CDH13: variants seen among roughly 807,000 people sequenced by gnomAD.
CDH13 encodes cadherin-13.
In CDH13, 24 loss-of-function variants were observed where a neutral mutation model predicts 63.8. That is an observed-to-expected ratio of 0.38 (90% CI 0.27 to 0.53). The LOEUF is 0.53. Ranked by LOEUF, CDH13 falls within the 20% of genes least tolerant of loss-of-function variation. The pLI is 0.85. For synonymous variants in CDH13, 503 were observed against 355.3 expected (o/e 1.42, Z -4.67); for missense variants, 1,049 against 903.1 (o/e 1.16, Z -2.07).
At chr16:82,772,080 T>A (rs2151098084) in intron 1 of CDH13, among the ~76,000 whole-genome samples, 1 of 152,320 alleles carries the variant, frequency 6.6e-6, no homozygotes, top group Non-Finnish European at 1.5e-5. Context: ...ATGCCCTTGA[T>A]GTGCTGGTGT....
At chr16:83,115,907 CTGTT>C (rs1401099902) in intron 3 of CDH13, among the ~76,000 whole-genome samples, 1 of 152,168 alleles carries the variant, frequency 6.6e-6, no homozygotes, top group African/African-American at 2.4e-5. Context: ...TATCTGGACA[CTGTT>C]TGTCTGTTTG....
At chr16:82,657,483 C>T (rs1481998851) in intron 1 of CDH13, among the ~76,000 whole-genome samples, 1 of 152,182 alleles carries the variant, frequency 6.6e-6, no homozygotes, top group African/African-American at 2.4e-5. Flanking sequence ...CAGAAGATTT[C>T]ATCATGCAAC....
chr16:83,390,315 G>A (rs2091761577), intron 6 of CDH13, among the ~76,000 whole-genome samples: 1 of 152,132 alleles, frequency 6.6e-6, no homozygotes, highest in Non-Finnish European at 1.5e-5. Flanking sequence ...TCAGCATGCA[G>A]CATCACTGAA....
chr16:83,257,140 G>A (rs1906392924), intron 5 of CDH13, among the ~76,000 whole-genome samples: 1 of 152,116 alleles, frequency 6.6e-6, no homozygotes, highest in Admixed American at 6.5e-5. Flanking sequence ...GATGGAGGAA[G>A]GTTTCTTTGA....
intron 3 of CDH13, among the ~76,000 whole-genome samples, chr16:83,039,244 G>T (rs533951562): frequency 6.6e-6 from 1 of 152,322 alleles, no homozygotes; most frequent in South Asian, 2.1e-4. Context: ...CTCACTTCCT[G>T]ATCAGCTCAC....
intron 6 of CDH13, among the ~76,000 whole-genome samples, chr16:83,473,858 C>T (rs1194733463): frequency 1.3e-5 from 2 of 151,694 alleles, no homozygotes; most frequent in Non-Finnish European, 2.9e-5. Context: ...CCCTGGGCCT[C>T]AGCTTCCCTC....
intron 2 of CDH13, among the ~76,000 whole-genome samples, chr16:82,906,335 C>G (rs754771420): frequency 5.3e-5 from 8 of 152,126 alleles, no homozygotes; most frequent in Non-Finnish European, 7.4e-5. Context: ...ATGATTGGCC[C>G]TTAGTCCCCA....
rs552987273 is a variant in CDH13, at chr16:83,587,906, G to A, written c.961-14548G>A. 3.3e-5 allele frequency among the ~76,000 whole-genome samples: 5 copies of A among 151,826 alleles called. No individual in the cohort carries two copies. In the East Asian group the frequency reaches 7.7e-4, roughly 23 times the overall value. Reference sequence around the variant, plus strand: ...GGTCATTGGAGCCAGCCCCCAGCTGGCTTTGTTGAGATTTATCTGAGCAAC... The same window carrying A: ...GGTCATTGGAGCCAGCCCCCAGCTGACTTTGTTGAGATTTATCTGAGCAAC... On this transcript the variant is annotated intron_variant, in intron 7 of 13. Transcript: ENST00000567109.
rs368709841 is a variant in CDH13 at position 83,670,960 on chromosome 16, T to C, written c.1272T>C (p.Leu424=). 10 of 1,596,302 alleles carry C rather than the reference T, an allele frequency of 6.3e-6. No individual in the cohort carries two copies. Among genetic ancestry groups the C allele is most frequent in the Non-Finnish European group, 8.6e-6 (10 of 1,168,696 alleles). ...ACCCTCAAACCAACGAAGGGATGCT[T>C]TCTGTTGTCAAAGTAAGGGTGCTTC... ...HTNPQTNEGM[L]SVVKPLDYEI... is the part of the protein sequence containing the mutation. The change falls in exon 9 of 14, where the codon CTT becomes CTC. Residue 424 remains leucine (L), a synonymous_variant. Transcript: ENST00000567109.
chr16:83,275,479 A>G (rs775409743), intron 5 of CDH13, among the ~76,000 whole-genome samples: 7 of 152,186 alleles, frequency 4.6e-5, no homozygotes, highest in Admixed American at 2.6e-4. Flanking sequence ...GTGCTCATGC[A>G]GGCTTCTTAG....
At chr16:82,798,832 G>T (rs1356354413) in intron 1 of CDH13, among the ~76,000 whole-genome samples, 3 of 152,158 alleles carry the variant, frequency 2.0e-5, no homozygotes, top group South Asian at 2.1e-4. Context: ...GCAGGTTCTG[G>T]GTTCTGTGTT....
intron 7 of CDH13, among the ~76,000 whole-genome samples, chr16:83,487,074 C>A (rs1320666543): frequency 6.6e-6 from 1 of 152,134 alleles, no homozygotes. Context: ...CCCATGACTC[C>A]TTTCTCCAAC....
At chr16:83,685,000 G>A (rs567779111) in intron 10 of CDH13, among the ~76,000 whole-genome samples, 1 of 152,238 alleles carries the variant, frequency 6.6e-6, no homozygotes, top group East Asian at 1.9e-4. Flanking sequence ...CGTCTAGGCT[G>A]GCACCCTCTT....
chr16:82,997,456 A>G (rs1272512744), intron 2 of CDH13, among the ~76,000 whole-genome samples: 1 of 152,244 alleles, frequency 6.6e-6, no homozygotes, highest in Non-Finnish European at 1.5e-5. Context: ...TTAATGCAAT[A>G]TTTTATAAAA....
At position 83,363,539 on chromosome 16, in the gene CDH13, G is replaced by A. The variant is rs78414787; in HGVS notation, c.781+18533G>A. Reference sequence around the variant, plus strand: ...GCTTTTATTATGAATTTGAGAATTAGTTGGTGGTGAGAGGCATCACTGAAA... The same window carrying A: ...GCTTTTATTATGAATTTGAGAATTAATTGGTGGTGAGAGGCATCACTGAAA... On this transcript the variant is annotated intron_variant, in intron 6 of 13. Transcript: ENST00000567109. Among the ~76,000 whole-genome samples the A allele has an allele frequency of 2.2e-3, 338 of 152,292 alleles. 9 individuals carry two copies. The East Asian group carries it at 0.06, about 27-fold the overall frequency.
rs886966384 is a variant in CDH13 at position 83,379,244 on chromosome 16, A to G, written c.781+34238A>G. ...CTGTATATGGTTTAGAAGGGCACTG[A>G]CTACCTCTCCCTCAAGTGTCAACTA... On this transcript the variant is annotated intron_variant, in intron 6 of 13. Transcript: ENST00000567109. 3.2e-4 allele frequency among the ~76,000 whole-genome samples: 48 copies of G among 152,166 alleles called. 1 individual carries two copies. The highest frequency in any genetic ancestry group is 2.2e-3 in the Admixed American group (34 of 15,260).
intron 4 of CDH13, among the ~76,000 whole-genome samples, chr16:83,164,315 T>TACCACACATCACAC (rs1257511821): frequency 6.6e-6 from 1 of 151,754 alleles, no homozygotes; most frequent in African/African-American, 2.4e-5. Context: ...ACACACTACA[T>TACCACACATCACAC]ACCACACATC....
chr16:83,628,543 C>T (rs1470235356), intron 8 of CDH13, among the ~76,000 whole-genome samples: 1 of 151,994 alleles, frequency 6.6e-6, no homozygotes, highest in Non-Finnish European at 1.5e-5. Context: ...TGTCGTACAT[C>T]TTTGGGCAAA....
At chr16:82,849,305 C>G (rs1289239201) in intron 1 of CDH13, among the ~76,000 whole-genome samples, 1 of 152,130 alleles carries the variant, frequency 6.6e-6, no homozygotes, top group African/African-American at 2.4e-5. Context: ...AGAGCAACAC[C>G]ATCCTGGTCA....
Sources: gnomAD v4.1 joint callset for allele counts (sites outside exome capture counted in the v4.1 genomes callset) on GRCh38, gnomAD v4.1.1 for gene constraint, MANE v1.5 for transcripts, NCBI Gene and HGNC (gene_info 2026-07-23, HGNC 2026-07-21) for gene names.